MAPK8IP3: variants seen among roughly 807,000 people sequenced by gnomAD.
MAPK8IP3 encodes the protein C-Jun-amino-terminal kinase-interacting protein 3.
MAPK8IP3 carries 49 observed loss-of-function variants against 157.8 expected under a neutral mutation model. The observed-to-expected ratio is 0.31, with a 90% CI of 0.25 to 0.39. The LOEUF is 0.39. Among genes scored for constraint, MAPK8IP3 ranks in the 10% least tolerant of loss-of-function variants. The pLI, the probability that MAPK8IP3 is intolerant of heterozygous loss-of-function variation, is 1.00. For missense variants in MAPK8IP3, 1,478 were observed against 1,889.4 expected (o/e 0.78, Z 4.04); for synonymous variants, 897 against 777.7 (o/e 1.15, Z -2.55).
chr16:1,739,671 C>CGTGTGT (rs1172087783), intron 4 of MAPK8IP3, among the ~76,000 whole-genome samples: 2 of 105,756 alleles, frequency 1.9e-5, no homozygotes, highest in African/African-American at 7.5e-5. Flanking sequence ...TGTGACCGTT[C>CGTGTGT]GTGTGAGTGA....
intron 4 of MAPK8IP3, among the ~76,000 whole-genome samples, chr16:1,730,192 T>G (rs1214065958): frequency 6.6e-6 from 1 of 152,030 alleles, no homozygotes; most frequent in Non-Finnish European, 1.5e-5. Context: ...GCCCAGGGGC[T>G]GGAGGCTGCA....
intron 1 of MAPK8IP3, among the ~76,000 whole-genome samples, chr16:1,719,274 C>A (rs1478732399): frequency 2.6e-5 from 4 of 151,328 alleles, no homozygotes; most frequent in African/African-American, 9.7e-5. Flanking sequence ...CAGCCTGAGA[C>A]CCAATCTTTA....
chr16:1,717,783 ATT>A (rs1416914684), intron 1 of MAPK8IP3, among the ~76,000 whole-genome samples: 1 of 152,066 alleles, frequency 6.6e-6, no homozygotes, highest in East Asian at 1.9e-4. Context: ...CTCCGTTTAT[ATT>A]TTGTAATCGT....
chr16:1,716,839 A>C (rs2038183191), intron 1 of MAPK8IP3, among the ~76,000 whole-genome samples: 2 of 152,216 alleles, frequency 1.3e-5, no homozygotes, highest in African/African-American at 4.8e-5. Context: ...CAGGCGGATC[A>C]CGAGGTCAAG....
At position 1,768,278 on chromosome 16, in the gene MAPK8IP3, C is replaced by T. The variant is rs1222383090; in HGVS notation, c.3642C>T (p.Asp1214=). ...IIHVYGDDSS[D]RAASSFIPYC... ...ACGTGTATGGCGATGACAGCAGTGACAGGGCGGCCAGCAGCTTCATCCCCT... is the reference window on the plus strand; with the variant it reads ...ACGTGTATGGCGATGACAGCAGTGATAGGGCGGCCAGCAGCTTCATCCCCT... Residue 1214 remains aspartate, a synonymous_variant, in exon 30 of 32, where the codon GAC becomes GAT. Transcript: ENST00000610761. 2 of 1,611,668 alleles carry T rather than the reference C, an allele frequency of 1.2e-6. No individual in the cohort carries two copies. Among genetic ancestry groups the T allele is most frequent in the Non-Finnish European group, 1.7e-6 (2 of 1,180,002 alleles).
At chr16:1,726,852 C>T (rs959797690) in intron 2 of MAPK8IP3, among the ~76,000 whole-genome samples, 3 of 152,330 alleles carry the variant, frequency 2.0e-5, no homozygotes, top group South Asian at 2.1e-4. Context: ...TAGCCTCTCC[C>T]GGGGCCACAG....
intron 4 of MAPK8IP3, among the ~76,000 whole-genome samples, chr16:1,739,285 C>A (rs1193889341): frequency 9.0e-6 from 1 of 111,456 alleles, no homozygotes; most frequent in Non-Finnish European, 1.7e-5. Flanking sequence ...TGTGAGCATC[C>A]ATGTGAGCCT....
intron 28 of MAPK8IP3, 59 bp downstream of exon 28, chr16:1,767,977 CGGGGTGGCTCTGCAGGG>C (rs2042374121): frequency 1.2e-6 from 2 of 1,607,360 alleles, no homozygotes. Flanking sequence ...CGTGGGTTCA[CGGGGTGGCTCTGCAGGG>C]CCACCTTGGA....
intron 2 of MAPK8IP3, among the ~76,000 whole-genome samples, chr16:1,725,890 G>C (rs918477977): frequency 4.9e-4 from 75 of 152,152 alleles, no homozygotes; most frequent in African/African-American, 1.7e-3. Flanking sequence ...GTAGAGATGG[G>C]GTTTCACTGT....
At chr16:1,758,917 C>T in intron 9 of MAPK8IP3, 61 bp from the exon 10 acceptor site, 1 of 1,587,858 alleles carries the variant, frequency 6.3e-7, no homozygotes, top group East Asian at 2.2e-5. Flanking sequence ...TCTTCTCTCC[C>T]TTTCTCCCTC....
chr16:1,753,876 T>G (rs553897263), intron 8 of MAPK8IP3, among the ~76,000 whole-genome samples: 1 of 152,018 alleles, frequency 6.6e-6, no homozygotes, highest in East Asian at 1.9e-4. Flanking sequence ...CGTCTTAGAA[T>G]TGGTATACTA....
chr16:1,764,256 G>C, intron 18 of MAPK8IP3, 45 bp from the exon 19 acceptor site: 1 of 1,596,016 alleles, frequency 6.3e-7, no homozygotes, highest in Non-Finnish European at 8.5e-7. Context: ...CGAGCGGGAG[G>C]CTGGGGAGTG....
Position 1,768,679 on chromosome 16 carries a change from G to C in MAPK8IP3, c.3893-24G>C, listed in dbSNP as rs2072989. ...GGTTGGGCGCGGGGGGAGCCTGGCCGTCACTCTGCTGCTTTGCCCGCAGGA... is the reference window on the plus strand; with the variant it reads ...GGTTGGGCGCGGGGGGAGCCTGGCCCTCACTCTGCTGCTTTGCCCGCAGGA... On this transcript the variant is annotated intron_variant, in intron 31 of 31. Transcript: ENST00000610761. The C allele has an allele frequency of 0.79, 1,272,806 of 1,611,604 alleles. 504,570 individuals are homozygous for C. Among genetic ancestry groups the C allele is most frequent in the Admixed American group, 0.88 (52,772 of 59,942 alleles).
intron 4 of MAPK8IP3, among the ~76,000 whole-genome samples, chr16:1,733,161 A>T (rs1379438750): frequency 1.3e-5 from 2 of 152,164 alleles, no homozygotes; most frequent in Non-Finnish European, 2.9e-5. Context: ...GAGCTGCAGC[A>T]TTCCAGAACC....
intron 5 of MAPK8IP3, chr16:1,744,151 G>T (rs901789331): frequency 1.3e-4 from 127 of 985,556 alleles, no homozygotes; most frequent in Non-Finnish European, 1.5e-4. Flanking sequence ...GTCGCTTGCT[G>T]CCAGTTTTGG....
chr16:1,768,473 C>T lies in MAPK8IP3; in HGVS notation c.3743-4C>T, dbSNP rs769295407. ...GCTGTCCTGAATCGCTTCTGCCATC[C>T]CAGGGAACGTGCTGGCCACCCTGAA... On this transcript the variant is annotated splice_polypyrimidine_tract_variant and splice_region_variant and intron_variant, in intron 30 of 31. Transcript: ENST00000610761. 11 of 1,571,324 alleles carry T rather than the reference C, an allele frequency of 7.0e-6. No homozygotes were observed. Among genetic ancestry groups the T allele is most frequent in the Non-Finnish European group, 7.7e-6 (9 of 1,163,852 alleles).
rs928882027 is a variant in MAPK8IP3 at position 1,765,334 on chromosome 16, G to A, written c.2446+156G>A. On this transcript the variant is annotated intron_variant, in intron 20 of 31. Coordinates refer to ENST00000610761, the MANE Select transcript of MAPK8IP3 (RefSeq NM_001318852.2). ...TGGGAGGGGCAGCACCCAGTCAAGT[G>A]AGGCCCTGGGCCCTGTTTCTGGGAG... 8.5e-5 allele frequency among the ~76,000 whole-genome samples: 13 copies of A among 152,336 alleles called. No homozygotes were observed. In the East Asian group the frequency reaches 2.5e-3, roughly 29 times the overall value.
intron 9 of MAPK8IP3, among the ~76,000 whole-genome samples, 170 bp from the exon 10 acceptor site, chr16:1,758,808 T>C (rs938050489): frequency 2.6e-5 from 4 of 152,058 alleles, no homozygotes; most frequent in East Asian, 1.9e-4. Flanking sequence ...CTCCATCCCA[T>C]CTCCTGCCCT....
chr16:1,721,515 CCCGACCTCCTGGGGTCACTGCAGCA>C (rs900657733), intron 1 of MAPK8IP3, among the ~76,000 whole-genome samples: 6 of 152,048 alleles, frequency 3.9e-5, no homozygotes, highest in African/African-American at 1.4e-4. Context: ...TCACTGCAGC[CCCGACCTCCTGGGGTCACTGCAGCA>C]CCGACCTCCT....
Sources: allele counts gnomAD v4.1 joint callset (sites outside exome capture counted in the v4.1 genomes callset), GRCh38; gene constraint gnomAD v4.1.1; transcripts MANE v1.5; gene names NCBI Gene and HGNC (gene_info 2026-07-23, HGNC 2026-07-21).